The following ZNF25 variants were observed in gnomAD, a reference collection of about 807,000 sequenced individuals.
ZNF25 encodes the protein zinc finger protein 25 (KOX 19).
Under a neutral mutation model 30.9 loss-of-function variants are expected in ZNF25, and 21 were observed. That is an observed-to-expected ratio of 0.68 (90% CI 0.48 to 0.98). The LOEUF is 0.98. ZNF25 is among the 50% of genes least tolerant of loss of function. ZNF25 has a pLI of 0.00. For missense variants in ZNF25, 501 were observed against 529.9 expected (o/e 0.95, Z 0.54); for synonymous variants, 169 against 181.3 (o/e 0.93, Z 0.55).
intron 3 of ZNF25, 51 bp from the exon 4 acceptor site, chr10:37,957,166 G>A (rs750222262): frequency 3.9e-6 from 6 of 1,531,890 alleles, no homozygotes; most frequent in Non-Finnish European, 4.5e-6. Flanking sequence ...GGAATTTAGG[G>A]ACTGTGAAAG....
At chr10:37,971,053 C>T (rs190535938) in intron 2 of ZNF25, among the ~76,000 whole-genome samples, 123 of 152,264 alleles carry the variant, frequency 8.1e-4, no homozygotes, top group Admixed American at 1.8e-3. Context: ...CAGTAGCTCA[C>T]GCCTGTAATC....
rs368214770 is a variant in ZNF25 at position 37,953,104 on chromosome 10, C to A, written c.394G>T (p.Ala132Ser). The A allele has an allele frequency of 3.1e-6, 5 of 1,613,210 alleles. No individual in the cohort carries two copies. Among genetic ancestry groups the A allele is most frequent in the Non-Finnish European group, 4.2e-6 (5 of 1,179,822 alleles). Residue 132 changes from alanine to serine, a missense_variant, in exon 6 of 6, where the codon GCC becomes TCC. By Grantham distance (99) the Ala-to-Ser change is moderately conservative (BLOSUM62 1). Coordinates refer to ENST00000302609, the MANE Select transcript of ZNF25 (RefSeq NM_145011.4). The part of the protein sequence containing the change: ...ECGKFFCQKS[A>S]LIVHQHTHSK... Reference sequence around the variant, plus strand: ...TGAGTATGCTGATGTACTATGAGGGCAGACTTCTGGCAGAAGAACTTCCCA... The same window carrying A: ...TGAGTATGCTGATGTACTATGAGGGAAGACTTCTGGCAGAAGAACTTCCCA...
chr10:37,956,309 G>A (rs571040757), intron 4 of ZNF25, among the ~76,000 whole-genome samples: 1 of 152,272 alleles, frequency 6.6e-6, no homozygotes, highest in South Asian at 2.1e-4. Flanking sequence ...CAAAATAACT[G>A]AGGTATTTTA....
At chr10:37,974,798 A>G (rs2063707201) in intron 1 of ZNF25, among the ~76,000 whole-genome samples, 1 of 152,228 alleles carries the variant, frequency 6.6e-6, no homozygotes, top group African/African-American at 2.4e-5. Context: ...TATATTGAAG[A>G]TATCTCTGCA....
intron 3 of ZNF25, 76 bp from the exon 4 acceptor site, chr10:37,957,191 T>A (rs2062588549): frequency 6.9e-7 from 1 of 1,449,712 alleles, no homozygotes; most frequent in African/African-American, 1.4e-5. Context: ...GGAAGTGGAG[T>A]TTCAGGATAA....
chr10:37,969,015 G>T (rs914280735), intron 2 of ZNF25, among the ~76,000 whole-genome samples: 1 of 151,928 alleles, frequency 6.6e-6, no homozygotes, highest in Non-Finnish European at 1.5e-5. Flanking sequence ...GCAGAAAAAA[G>T]CACAATAGAA....
intron 4 of ZNF25, among the ~76,000 whole-genome samples, chr10:37,954,596 C>T (rs1424802508): frequency 6.6e-6 from 1 of 152,190 alleles, no homozygotes; most frequent in African/African-American, 2.4e-5. Context: ...TGACTCAACA[C>T]TAGTCTTGAA....
chr10:37,975,845 A>C (rs902712751), intron 1 of ZNF25, among the ~76,000 whole-genome samples: 3 of 152,194 alleles, frequency 2.0e-5, no homozygotes, highest in African/African-American at 7.2e-5. Context: ...TGCTGTGCTA[A>C]ATACAAGTCA....
chr10:37,959,259 G>T (rs560580762), intron 2 of ZNF25, among the ~76,000 whole-genome samples: 29 of 152,178 alleles, frequency 1.9e-4, no homozygotes, highest in African/African-American at 6.7e-4. Context: ...TGGTATAGGA[G>T]AAAATTTTAA....
intron 2 of ZNF25, among the ~76,000 whole-genome samples, chr10:37,963,493 T>C (rs1041190934): frequency 1.3e-5 from 2 of 152,188 alleles, no homozygotes; most frequent in Admixed American, 6.6e-5. Flanking sequence ...TTTTTCTTAC[T>C]GGCCTACTGA....
rs184257055 is a variant in ZNF25, at chr10:37,950,047, C to T, written c.*2080G>A. The T allele has an allele frequency of 2.5e-4, 38 of 152,702 alleles. No homozygotes were observed. The highest frequency in any genetic ancestry group is 3.4e-3 in the Middle Eastern group (1 of 294). The allele number at this position is 152,702 out of a possible 1,614,324, so 9.5% of individuals were successfully genotyped here. A position where few individuals can be genotyped will look rare whatever the true frequency, so the allele number is the denominator to read the frequency against. On this transcript the variant is annotated 3_prime_UTR_variant, in exon 6 of 6. Transcript: ENST00000302609. ...TAAATATACTGCAAAAAACCACCCACCTACAAATTGCTGTATGCATCATTT... is the reference window on the plus strand; with the variant it reads ...TAAATATACTGCAAAAAACCACCCATCTACAAATTGCTGTATGCATCATTT...
intron 2 of ZNF25, among the ~76,000 whole-genome samples, chr10:37,961,415 T>C (rs1241760407): frequency 6.6e-6 from 1 of 152,032 alleles, no homozygotes; most frequent in Non-Finnish European, 1.5e-5. Flanking sequence ...AACCAAATGT[T>C]AAAAGACAAA....
At chr10:37,976,377 G>C (rs2063816983) in intron 1 of ZNF25, 129 bp downstream of exon 1, 1 of 152,366 alleles carries the variant, frequency 6.6e-6, no homozygotes, top group African/African-American at 2.4e-5. Context: ...AGCGCAGCCA[G>C]CCAACCTCCC....
chr10:37,958,749 C>G (rs1313206616), intron 2 of ZNF25, among the ~76,000 whole-genome samples: 1 of 143,488 alleles, frequency 7.0e-6, no homozygotes, highest in Non-Finnish European at 1.5e-5. Flanking sequence ...AAGACTCTAT[C>G]AAAAAAAAAA....
At chr10:37,956,486 G>A (rs564075954) in intron 4 of ZNF25, among the ~76,000 whole-genome samples, 2 of 152,276 alleles carry the variant, frequency 1.3e-5, no homozygotes, top group East Asian at 1.9e-4. Context: ...GGAAAGAGAA[G>A]TAAATCTATT....
intron 2 of ZNF25, among the ~76,000 whole-genome samples, chr10:37,963,700 C>T (rs935520269): frequency 7.9e-5 from 12 of 152,122 alleles, no homozygotes; most frequent in African/African-American, 2.4e-5. Context: ...TGGCACCAGG[C>T]GTGGTGGCTC....
chr10:37,957,422 A>G lies in ZNF25; in HGVS notation c.140T>C (p.Val47Ala). 1 of 1,612,088 alleles carries G rather than the reference A, an allele frequency of 6.2e-7. No individual in the cohort carries two copies. Residue 47 changes from valine (V) to alanine (A), a missense_variant and splice_region_variant, in exon 3 of 6, where the codon GTG becomes GCG. Transcript: ENST00000302609. ...ACACCTGGGGAAGTTTTCCTCACCC[A>G]CTGAGACAAGGTGACTATAGTTTTC... ...MLENYSHLVSVGYHVNKPNAV... is the reference protein window; with the variant it reads ...MLENYSHLVSAGYHVNKPNAV...
At position 37,952,453 on chromosome 10, in the gene ZNF25, TC is replaced by T. The variant is rs1255386121; in HGVS notation, c.1044del (p.Thr350HisfsTer32). 6.2e-7 allele frequency: 1 copy of T among 1,614,006 alleles called. No individual in the cohort carries two copies. On this transcript the variant is annotated frameshift_variant, in exon 6 of 6. Coordinates refer to ENST00000302609, the MANE Select transcript of ZNF25 (RefSeq NM_145011.4). LOFTEE classifies it high-confidence loss of function. The part of the protein sequence containing the change: ...GEKPFECNKC[G>X]KTFYYKSDLT... ...AGGTCTGATTTATAGTAAAATGTTTTCCCACATTTATTACATTCAAAGGGTT... is the reference window on the plus strand; with the variant it reads ...AGGTCTGATTTATAGTAAAATGTTTTCCACATTTATTACATTCAAAGGGTT...
At chr10:37,962,010 G>A in intron 2 of ZNF25, among the ~76,000 whole-genome samples, 1 of 151,534 alleles carries the variant, frequency 6.6e-6, no homozygotes, top group Admixed American at 6.6e-5. Flanking sequence ...GCTGAGGCAG[G>A]TGGATCATGA....
Sources: gnomAD v4.1 joint callset for allele counts (sites outside exome capture counted in the v4.1 genomes callset) on GRCh38, gnomAD v4.1.1 for gene constraint, MANE v1.5 for transcripts, NCBI Gene and HGNC (gene_info 2026-07-23, HGNC 2026-07-21) for gene names.